SCHIP1: variants seen among roughly 807,000 people sequenced by gnomAD.
SCHIP1 encodes schwannomin-interacting protein 1.
In SCHIP1, 8 loss-of-function variants were observed where a neutral mutation model predicts 29.7. That is an observed-to-expected ratio of 0.27 (90% CI 0.16 to 0.49). SCHIP1 has a LOEUF of 0.49. Ranked by LOEUF, SCHIP1 falls within the 20% of genes least tolerant of loss-of-function variation. The pLI, the probability that SCHIP1 is intolerant of heterozygous loss-of-function variation, is 0.99. For missense variants in SCHIP1, 193 were observed against 294.6 expected (o/e 0.66, Z 2.52); for synonymous variants, 76 against 94.9 (o/e 0.80, Z 1.16).
At chr3:159,892,587 G>C (rs1458678132) in intron 6 of SCHIP1, 1 of 303,942 alleles carries the variant, frequency 3.3e-6, no homozygotes, top group Non-Finnish European at 6.1e-6. Flanking sequence ...GTATGATCCA[G>C]TTCTTGATCG....
At chr3:159,822,111 A>C in the SCHIP1 span, among the ~76,000 whole-genome samples, 3 of 152,208 alleles carry the variant, frequency 2.0e-5, no homozygotes, top group Non-Finnish European at 4.4e-5. Context: ...GGTAACTGAA[A>C]TGGCAGATAA....
the SCHIP1 span, among the ~76,000 whole-genome samples, chr3:159,626,301 T>TAGATAGATAGA: frequency 7.7e-6 from 1 of 130,170 alleles, no homozygotes; most frequent in Non-Finnish European, 1.6e-5. Context: ...GATAGATAGA[T>TAGATAGATAGA]TTTTTTTTAC....
At chr3:159,317,763 G>T in the SCHIP1 span, among the ~76,000 whole-genome samples, 1 of 152,172 alleles carries the variant, frequency 6.6e-6, no homozygotes, top group South Asian at 2.1e-4. Flanking sequence ...ATGCTGTGTG[G>T]AATACTATGA....
the SCHIP1 span, among the ~76,000 whole-genome samples, chr3:159,628,434 A>C: frequency 6.6e-6 from 1 of 152,192 alleles, no homozygotes; most frequent in Admixed American, 6.5e-5. Flanking sequence ...CAAGAGAAGA[A>C]GAAAAACAGA....
At chr3:159,539,218 G>T in the SCHIP1 span, among the ~76,000 whole-genome samples, 1 of 147,560 alleles carries the variant, frequency 6.8e-6, no homozygotes, top group Non-Finnish European at 1.5e-5. Flanking sequence ...GTAACTTTTT[G>T]GTAGTCAATA....
chr3:159,497,573 A>C, the SCHIP1 span, among the ~76,000 whole-genome samples: 1 of 151,984 alleles, frequency 6.6e-6, no homozygotes, highest in African/African-American at 2.4e-5. Flanking sequence ...TAAGATGCCA[A>C]TATTTATCTA....
the SCHIP1 span, among the ~76,000 whole-genome samples, chr3:159,585,043 G>A: frequency 2.6e-5 from 4 of 151,604 alleles, no homozygotes; most frequent in African/African-American, 4.9e-5. Context: ...GTTCTACCCC[G>A]GCCACCCTAT....
At chr3:159,655,034 G>A in the SCHIP1 span, among the ~76,000 whole-genome samples, 10 of 152,072 alleles carry the variant, frequency 6.6e-5, no homozygotes, top group African/African-American at 2.4e-4. Context: ...TGTCCCTATT[G>A]AGCACAGTAC....
At chr3:159,669,548 G>T in the SCHIP1 span, among the ~76,000 whole-genome samples, 1 of 152,174 alleles carries the variant, frequency 6.6e-6, no homozygotes. Flanking sequence ...TGCCTTCACT[G>T]GTACAGATTT....
chr3:159,273,673 A>G, the SCHIP1 span: 6 of 1,385,308 alleles, frequency 4.3e-6, no homozygotes, highest in African/African-American at 8.8e-5. Flanking sequence ...ACCGAAGGGC[A>G]AAAGCATCAC....
At chr3:159,451,277 C>A in the SCHIP1 span, among the ~76,000 whole-genome samples, 2 of 152,200 alleles carry the variant, frequency 1.3e-5, no homozygotes, top group African/African-American at 2.4e-5. Flanking sequence ...GTTTACACAA[C>A]CCTCTTAACT....
At chr3:159,704,629 A>G in the SCHIP1 span, among the ~76,000 whole-genome samples, 2 of 152,058 alleles carry the variant, frequency 1.3e-5, no homozygotes, top group Non-Finnish European at 2.9e-5. Flanking sequence ...GAAAGACTAT[A>G]TATCATATTA....
chr3:159,562,506 G>C, the SCHIP1 span, among the ~76,000 whole-genome samples: 4 of 152,138 alleles, frequency 2.6e-5, no homozygotes, highest in African/African-American at 9.7e-5. Context: ...AAGTAAATTT[G>C]CCTCAGCTAC....
chr3:159,556,529 C>T, the SCHIP1 span, among the ~76,000 whole-genome samples: 5 of 151,908 alleles, frequency 3.3e-5, no homozygotes, highest in African/African-American at 1.2e-4. Flanking sequence ...AAATGTCCAA[C>T]AATGATAGAC....
At chr3:159,729,509 T>G in the SCHIP1 span, among the ~76,000 whole-genome samples, 3 of 152,198 alleles carry the variant, frequency 2.0e-5, no homozygotes, top group Non-Finnish European at 4.4e-5. Context: ...GTACAAAAGC[T>G]GGTTATTAAA....
At chr3:159,865,640 G>C (rs1318641293) in intron 1 of SCHIP1, among the ~76,000 whole-genome samples, 1 of 152,222 alleles carries the variant, frequency 6.6e-6, no homozygotes, top group Non-Finnish European at 1.5e-5. Context: ...TGCTATGTCT[G>C]TCTTGTCCTG....
At chr3:159,628,656 C>T in the SCHIP1 span, among the ~76,000 whole-genome samples, 2 of 152,108 alleles carry the variant, frequency 1.3e-5, no homozygotes, top group Non-Finnish European at 2.9e-5. Flanking sequence ...CAAAGGTATA[C>T]CTGTTTATTT....
At chr3:159,557,655 A>T in the SCHIP1 span, among the ~76,000 whole-genome samples, 1 of 152,240 alleles carries the variant, frequency 6.6e-6, no homozygotes, top group Non-Finnish European at 1.5e-5. Context: ...ATCTTTAAAA[A>T]GTTTTCTTTT....
chr3:159,689,693 C>A, the SCHIP1 span, among the ~76,000 whole-genome samples: 3 of 152,308 alleles, frequency 2.0e-5, no homozygotes, highest in South Asian at 6.2e-4. Flanking sequence ...AAAGAGAATG[C>A]TTCCAGCTTT....
Sources: allele counts gnomAD v4.1 joint callset (sites outside exome capture counted in the v4.1 genomes callset), GRCh38; gene constraint gnomAD v4.1.1; transcripts MANE v1.5; gene names NCBI Gene and HGNC (gene_info 2026-07-23, HGNC 2026-07-21).